Variants in BANK1 observed in about 807,000 individuals in gnomAD.
BANK1 encodes B-cell scaffold protein with ankyrin repeats.
In BANK1, 95 loss-of-function variants were observed where a neutral mutation model predicts 94.5. The ratio of observed to expected loss-of-function variants is 1.00; its 90% CI spans 0.85 to 1.19. The LOEUF is 1.19. Among genes scored for constraint, BANK1 ranks in the 50% most tolerant of loss-of-function variants. The probability of loss-of-function intolerance (pLI) is 0.00; values close to 1 mark genes in which losing one functional copy is unlikely to be tolerated. For synonymous variants in BANK1, 334 were observed against 308.4 expected (o/e 1.08, Z -0.87); for missense variants, 987 against 932.2 (o/e 1.06, Z -0.77).
chr4:102,045,109 G>C (rs1017455618), intron 11 of BANK1, among the ~76,000 whole-genome samples: 4 of 152,084 alleles, frequency 2.6e-5, no homozygotes, highest in Non-Finnish European at 5.9e-5. Flanking sequence ...CCTTGCCCAT[G>C]CCTATGTCCT....
chr4:102,029,830 C>T (rs755415699), intron 9 of BANK1, 130 bp from the exon 10 acceptor site: 4 of 743,956 alleles, frequency 5.4e-6, no homozygotes, highest in Non-Finnish European at 8.8e-6. Context: ...GAGTCACGAG[C>T]TCTTCTCTAA....
intron 11 of BANK1, among the ~76,000 whole-genome samples, chr4:102,054,348 A>G (rs1728156359): frequency 6.6e-6 from 1 of 152,092 alleles, no homozygotes; most frequent in Non-Finnish European, 1.5e-5. Flanking sequence ...CTGAAACACG[A>G]CAAAGCACAT....
rs1386557084 is a variant in BANK1 at position 101,895,410 on chromosome 4, T to C, written c.1009T>C (p.Tyr337His). 2 of 1,508,232 alleles carry C rather than the reference T, an allele frequency of 1.3e-6. No individual in the cohort carries two copies. Among genetic ancestry groups the C allele is most frequent in the Non-Finnish European group, 1.8e-6 (2 of 1,092,930 alleles). 93.4% of individuals were successfully genotyped at this position (1,508,232 alleles called of 1,614,324 possible). A position where few individuals can be genotyped will look rare whatever the true frequency, so the allele number is the denominator to read the frequency against. ...LQTEICSQNK[Y>H]THFKELPTLL... ...AACTGAAATTTGTTCTCAAAACAAA[T>C]GTGAGTATTTTCCAGCTGCATCAAT... Residue 337 changes from tyrosine to histidine, a missense_variant and splice_region_variant, in exon 6 of 17, where the codon TAT (tyrosine) becomes CAT (histidine). By Grantham distance (83) the Tyr-to-His change is moderately conservative. Coordinates refer to ENST00000322953, the MANE Select transcript of BANK1 (RefSeq NM_017935.5).
intron 1 of BANK1, among the ~76,000 whole-genome samples, chr4:101,815,786 CTTGTT>C (rs66976837): frequency 0.3 from 45,386 of 151,592 alleles, 6,793 homozygotes; most frequent in African/African-American, 0.34. Context: ...TTGTCACACT[CTTGTT>C]TTTTATAGTC....
chr4:101,829,744 A>C, intron 1 of BANK1, 64 bp from the exon 2 acceptor site: 3 of 1,149,514 alleles, frequency 2.6e-6, no homozygotes, highest in Non-Finnish European at 3.6e-6. Context: ...AAAATTTTTG[A>C]GAAATAATAA....
Position 102,060,246 on chromosome 4 carries a change from C to G in BANK1, c.2005C>G (p.Leu669Val). The change falls in exon 12 of 17, where the codon CTC becomes GTC. Residue 669 changes from leucine to valine, a missense_variant. By Grantham distance (32) the Leu-to-Val change is conservative. Coordinates refer to ENST00000322953, the MANE Select transcript of BANK1 (RefSeq NM_017935.5). ...GATAGAGAGTCCAGCCTTTTCTACT[C>G]TCAGGGGCTGTCTAACTGATGGTCA... Reference protein sequence around the residue: ...ARIESPAFSTLRGCLTDGQEE... With the variant: ...ARIESPAFSTVRGCLTDGQEE... The G allele has an allele frequency of 6.2e-7, 1 of 1,602,972 alleles. No homozygotes were observed. The highest frequency in any genetic ancestry group is 8.5e-7 in the Non-Finnish European group (1 of 1,176,902).
intron 2 of BANK1, among the ~76,000 whole-genome samples, chr4:101,845,180 A>G (rs953262015): frequency 6.6e-6 from 1 of 152,126 alleles, no homozygotes; most frequent in Non-Finnish European, 1.5e-5. Flanking sequence ...TATGTATTGC[A>G]TGCTTGTACC....
chr4:101,893,742 A>G (rs1721962896), intron 5 of BANK1, among the ~76,000 whole-genome samples: 1 of 152,092 alleles, frequency 6.6e-6, no homozygotes, highest in Non-Finnish European at 1.5e-5. Flanking sequence ...ACTCAACTAC[A>G]TAAACAATCA....
chr4:102,064,152 T>C (rs1473779872), intron 13 of BANK1, among the ~76,000 whole-genome samples: 1 of 152,224 alleles, frequency 6.6e-6, no homozygotes, highest in African/African-American at 2.4e-5. Flanking sequence ...AGCTTCCATC[T>C]CTTCCATTTT....
At chr4:101,899,425 C>T (rs1260020132) in intron 6 of BANK1, among the ~76,000 whole-genome samples, 1 of 152,106 alleles carries the variant, frequency 6.6e-6, no homozygotes, top group Non-Finnish European at 1.5e-5. Context: ...ATTTTCGCAT[C>T]TCTTGCCAAT....
chr4:101,929,514 C>G (rs1723275715), intron 7 of BANK1, among the ~76,000 whole-genome samples: 1 of 151,486 alleles, frequency 6.6e-6, no homozygotes, highest in Admixed American at 6.6e-5. Flanking sequence ...TCTCTCTTTT[C>G]TACTGTATAT....
chr4:102,010,283 A>C (rs544358392), intron 7 of BANK1, among the ~76,000 whole-genome samples: 113 of 152,222 alleles, frequency 7.4e-4, no homozygotes, highest in Non-Finnish European at 1.4e-3. Flanking sequence ...ACAAACAAGC[A>C]AACAAAGAAA....
intron 7 of BANK1, among the ~76,000 whole-genome samples, chr4:102,007,092 A>ATATATTTATATATATATAAATATATTAT (rs1322128290): frequency 2.1e-4 from 17 of 82,316 alleles, no homozygotes; most frequent in African/African-American, 6.7e-4. Flanking sequence ...ATATATATAT[A>ATATATTTATATATATATAAATATATTAT]ATATATTTAT....
intron 7 of BANK1, among the ~76,000 whole-genome samples, chr4:101,946,179 AGAC>A (rs1723922014): frequency 6.6e-6 from 1 of 152,034 alleles, no homozygotes; most frequent in Non-Finnish European, 1.5e-5. Flanking sequence ...CACAATAAGA[AGAC>A]ATCAGATCTT....
chr4:101,930,592 A>G (rs927551960), intron 7 of BANK1, among the ~76,000 whole-genome samples: 1 of 151,662 alleles, frequency 6.6e-6, no homozygotes, highest in South Asian at 2.1e-4. Flanking sequence ...TCCAAAAACA[A>G]TAAAATTAGC....
intron 12 of BANK1, chr4:102,062,201 A>C (rs1299750095): frequency 6.6e-6 from 1 of 152,232 alleles, no homozygotes; most frequent in African/African-American, 2.4e-5. Flanking sequence ...CTAAGAAAAA[A>C]ATGGCACAAA....
intron 2 of BANK1, among the ~76,000 whole-genome samples, chr4:101,837,551 A>T (rs1364164542): frequency 6.6e-6 from 1 of 152,186 alleles, no homozygotes; most frequent in South Asian, 2.1e-4. Flanking sequence ...GACTGTAAGG[A>T]CTAAGGTTTC....
intron 1 of BANK1, among the ~76,000 whole-genome samples, chr4:101,823,177 T>G (rs1274098736): frequency 6.6e-6 from 1 of 152,196 alleles, no homozygotes; most frequent in Non-Finnish European, 1.5e-5. Flanking sequence ...ACATTTTTTC[T>G]TCCCTTAATA....
rs535659009 is a variant in BANK1 at position 101,922,419 on chromosome 4, A to G, written c.1206+4230A>G. Among the ~76,000 whole-genome samples the G allele has an allele frequency of 1.4e-4, 21 of 151,832 alleles. No homozygotes were observed. The South Asian group carries it at 2.3e-3, about 17-fold the overall frequency. ...TTGCTTATGTAGTTTTTCCTTTCTTATAAGTCTGGAAGCTTGTGATGGATA... is the reference window on the plus strand; with the variant it reads ...TTGCTTATGTAGTTTTTCCTTTCTTGTAAGTCTGGAAGCTTGTGATGGATA... On this transcript the variant is annotated intron_variant, in intron 7 of 16. Transcript: ENST00000322953.
Sources: gnomAD v4.1 joint callset for allele counts (sites outside exome capture counted in the v4.1 genomes callset) on GRCh38, gnomAD v4.1.1 for gene constraint, MANE v1.5 for transcripts, NCBI Gene and HGNC (gene_info 2026-07-23, HGNC 2026-07-21) for gene names.